The following TTC17 variants were observed in gnomAD, a reference collection of about 807,000 sequenced individuals.
TTC17 encodes tetratricopeptide repeat protein 17.
A neutral mutation model predicts 143.8 loss-of-function variants in TTC17; 58 were observed. The ratio of observed to expected loss-of-function variants is 0.40; its 90% CI spans 0.33 to 0.50. The LOEUF is 0.50. Ranked by LOEUF, TTC17 falls within the 20% of genes least tolerant of loss-of-function variation. TTC17 has a pLI of 0.49. For missense variants in TTC17, 1,273 were observed against 1,392.5 expected (o/e 0.91, Z 1.37); for synonymous variants, 501 against 497.8 (o/e 1.01, Z -0.09).
At chr11:43,445,364 A>G (rs985782277) in intron 18 of TTC17, among the ~76,000 whole-genome samples, 1 of 152,208 alleles carries the variant, frequency 6.6e-6, no homozygotes, top group Non-Finnish European at 1.5e-5. Context: ...ATGGTATAAT[A>G]AACAAGCACA....
chr11:43,433,560 T>C (rs1341308319), intron 16 of TTC17, among the ~76,000 whole-genome samples: 2 of 152,164 alleles, frequency 1.3e-5, no homozygotes, highest in Non-Finnish European at 2.9e-5. Context: ...ATGTCTGAGT[T>C]TGAGGTCATG....
chr11:43,372,207 T>G (rs1856593159), intron 1 of TTC17, among the ~76,000 whole-genome samples: 1 of 152,042 alleles, frequency 6.6e-6, no homozygotes, highest in South Asian at 2.1e-4. Flanking sequence ...GCAAAAACTG[T>G]AAATTTACAA....
At chr11:43,441,595 T>A (rs1296076097) in intron 16 of TTC17, among the ~76,000 whole-genome samples, 3 of 152,142 alleles carry the variant, frequency 2.0e-5, no homozygotes, top group Non-Finnish European at 4.4e-5. Flanking sequence ...TTTTGCTAAC[T>A]CAGAGCACAC....
At chr11:43,362,210 A>G (rs1461922196) in intron 1 of TTC17, among the ~76,000 whole-genome samples, 1 of 150,754 alleles carries the variant, frequency 6.6e-6, no homozygotes, top group Non-Finnish European at 1.5e-5. Flanking sequence ...TAGTAGAGAC[A>G]GGGTTTTACC....
At position 43,433,674 on chromosome 11, in the gene TTC17, A is replaced by G. The variant is rs942709707; in HGVS notation, c.2252-9651A>G. On this transcript the variant is annotated intron_variant, in intron 16 of 23. Coordinates refer to ENST00000039989, the MANE Select transcript of TTC17 (RefSeq NM_018259.6). ...GCATAAGTTTAAAAAGATGAGACCA[A>G]TTAAATTTTTACTGTGGGCAGAGGG... Among the ~76,000 whole-genome samples, 4 of 152,304 alleles carry G rather than the reference A, an allele frequency of 2.6e-5. No individual in the cohort carries two copies. In the East Asian group the frequency reaches 7.7e-4, roughly 29 times the overall value.
intron 21 of TTC17, among the ~76,000 whole-genome samples, chr11:43,485,746 A>G (rs1231158225): frequency 1.3e-5 from 2 of 152,152 alleles, no homozygotes; most frequent in African/African-American, 4.8e-5. Context: ...TACCACAGGA[A>G]GATGCCATTT....
At chr11:43,446,017 T>A in intron 18 of TTC17, 1 of 1,534,186 alleles carries the variant, frequency 6.5e-7, no homozygotes, top group Non-Finnish European at 8.7e-7. Flanking sequence ...TCTTATGATA[T>A]CCTTGTGAAC....
rs1197430978 is a variant in TTC17, at chr11:43,358,970, G to A, written c.16G>A (p.Gly6Arg). Reference sequence around the variant, plus strand: ...GGGGGGCAAGATGGCGGCGGCAGTAGGGGTTCGTGGCCGGTACGAGCTGCC... The same window carrying A: ...GGGGGGCAAGATGGCGGCGGCAGTAAGGGTTCGTGGCCGGTACGAGCTGCC... MAAAV[G>R]VRGRYELPPC... The change falls in exon 1 of 24, where the codon GGG (glycine) becomes AGG (arginine). Residue 6 changes from glycine to arginine, a missense_variant. Around this residue, in one of 3 missense-constraint regions of TTC17, gnomAD observed 70 missense variants for 48.5 expected, o/e 1.44. Coordinates refer to ENST00000039989, the MANE Select transcript of TTC17 (RefSeq NM_018259.6). 1.3e-6 allele frequency: 2 copies of A among 1,579,208 alleles called. No individual in the cohort carries two copies. Among genetic ancestry groups the A allele is most frequent in the East Asian group, 2.5e-5 (1 of 40,802 alleles).
intron 21 of TTC17, among the ~76,000 whole-genome samples, chr11:43,487,684 A>G (rs552750377): frequency 1.3e-5 from 2 of 152,344 alleles, no homozygotes; most frequent in Non-Finnish European, 2.9e-5. Flanking sequence ...ATATGAGTGT[A>G]TTAGTTTGCT....
At chr11:43,410,582 T>C (rs1400322126) in intron 15 of TTC17, among the ~76,000 whole-genome samples, 5 of 152,200 alleles carry the variant, frequency 3.3e-5, no homozygotes. Flanking sequence ...TATCCAGTTC[T>C]TCAGCTTCAT....
At chr11:43,405,342 A>C (rs948932691) in intron 11 of TTC17, among the ~76,000 whole-genome samples, 172 bp from the exon 12 acceptor site, 5 of 152,142 alleles carry the variant, frequency 3.3e-5, no homozygotes, top group African/African-American at 1.2e-4. Context: ...AGCAGGTAGA[A>C]TTACTGACTT....
chr11:43,488,228 G>A (rs1948413074), intron 21 of TTC17, among the ~76,000 whole-genome samples: 1 of 152,112 alleles, frequency 6.6e-6, no homozygotes, highest in African/African-American at 2.4e-5. Context: ...ACTAAAAGGT[G>A]AGGCATAGAG....
chr11:43,481,723 C>T (rs796322262), intron 21 of TTC17, among the ~76,000 whole-genome samples: 2 of 152,230 alleles, frequency 1.3e-5, no homozygotes, highest in African/African-American at 4.8e-5. Context: ...AATGGACCCT[C>T]TCTTAATCCT....
intron 16 of TTC17, among the ~76,000 whole-genome samples, chr11:43,425,182 T>G (rs989956211): frequency 5.9e-5 from 9 of 152,278 alleles, no homozygotes; most frequent in Middle Eastern, 6.8e-3. Flanking sequence ...TAGCTGGGCT[T>G]GGTGGTGTGC....
At chr11:43,362,435 C>T (rs186579708) in intron 1 of TTC17, among the ~76,000 whole-genome samples, 2 of 152,082 alleles carry the variant, frequency 1.3e-5, no homozygotes, top group East Asian at 3.9e-4. Flanking sequence ...AGTTACATAC[C>T]GCAGACTTGT....
intron 21 of TTC17, among the ~76,000 whole-genome samples, chr11:43,473,362 T>A (rs369728771): frequency 3.5e-4 from 54 of 152,180 alleles, no homozygotes; most frequent in African/African-American, 1.2e-3. Context: ...TTGAGGGAAG[T>A]TTGTATCCTA....
At chr11:43,438,170 T>A (rs1213685714) in intron 16 of TTC17, among the ~76,000 whole-genome samples, 2 of 152,220 alleles carry the variant, frequency 1.3e-5, no homozygotes, top group Non-Finnish European at 2.9e-5. Context: ...ATGGTGGTAA[T>A]CTTTTTTTGA....
chr11:43,493,911 T>G lies in TTC17; in HGVS notation c.*7T>G, dbSNP rs1237186155. The stretch of plus-strand genomic sequence containing the variant: ...GGGACGGCGCTCTCCTTAGTGCACT[T>G]CTTCCTTCTCTCTTTCTCTTTACTC... On this transcript the variant is annotated 3_prime_UTR_variant, in exon 24 of 24. Coordinates refer to ENST00000039989, the MANE Select transcript of TTC17 (RefSeq NM_018259.6). 2.5e-5 allele frequency: 40 copies of G among 1,574,354 alleles called. No homozygotes were observed. In the Admixed American group the frequency reaches 7.4e-4, roughly 29 times the overall value.
intron 1 of TTC17, among the ~76,000 whole-genome samples, chr11:43,376,825 T>C (rs1429103355): frequency 6.6e-6 from 1 of 152,202 alleles, no homozygotes; most frequent in African/African-American, 2.4e-5. Flanking sequence ...TTCTGAGAAA[T>C]GTATCAGATG....
Sources: allele counts gnomAD v4.1 joint callset (sites outside exome capture counted in the v4.1 genomes callset), GRCh38; gene constraint gnomAD v4.1.1; regional missense constraint gnomAD v4.1.1; transcripts MANE v1.5; gene names NCBI Gene and HGNC (gene_info 2026-07-23, HGNC 2026-07-21).